ANXA6: variants seen among roughly 807,000 people sequenced by gnomAD.
ANXA6 encodes the protein annexin A6, also known as 67 kDa calelectrin.
In ANXA6, 71 loss-of-function variants were observed where a neutral mutation model predicts 95.4. The ratio of observed to expected loss-of-function variants is 0.74; its 90% CI spans 0.61 to 0.91. The LOEUF is 0.91. Among genes scored for constraint, ANXA6 ranks in the 40% least tolerant of loss-of-function variants. ANXA6 has a pLI of 0.00. For missense variants in ANXA6, 830 were observed against 876.4 expected (o/e 0.95, Z 0.67); for synonymous variants, 289 against 315.9 (o/e 0.91, Z 0.90).
At chr5:151,137,197 G>A (rs1765688085) in intron 6 of ANXA6, 34 bp downstream of exon 6, 1 of 1,570,924 alleles carries the variant, frequency 6.4e-7, no homozygotes, top group Non-Finnish European at 8.8e-7. Flanking sequence ...TTTTGTATCT[G>A]AAGATCCTAA....
At chr5:151,122,399 C>T (rs1765193148) in intron 16 of ANXA6, 139 bp from the exon 17 acceptor site, 2 of 610,134 alleles carry the variant, frequency 3.3e-6, no homozygotes, top group Non-Finnish European at 5.7e-6. Context: ...TGATGTTGTA[C>T]TTATTATTTA....
intron 23 of ANXA6, 21 bp from the exon 24 acceptor site, chr5:151,105,324 A>G: frequency 6.2e-7 from 1 of 1,613,334 alleles, no homozygotes; most frequent in Non-Finnish European, 8.5e-7. Flanking sequence ...GAGCAGAGAG[A>G]TGCGGGGAAC....
intron 9 of ANXA6, 82 bp downstream of exon 9, chr5:151,133,012 G>A (rs927298245): frequency 2.2e-6 from 2 of 921,824 alleles, no homozygotes; most frequent in African/African-American, 3.8e-5. Flanking sequence ...TTCCATTAGT[G>A]GTAAAGAAAA....
chr5:151,111,035 A>G (rs1040235106), intron 20 of ANXA6, among the ~76,000 whole-genome samples: 6 of 152,170 alleles, frequency 3.9e-5, no homozygotes, highest in Admixed American at 1.3e-4. Flanking sequence ...ACTGAGATGT[A>G]AATGTGAGCA....
intron 1 of ANXA6, among the ~76,000 whole-genome samples, chr5:151,152,747 AG>A (rs1187989846): frequency 1.3e-5 from 2 of 152,124 alleles, no homozygotes; most frequent in Non-Finnish European, 2.9e-5. Context: ...AGAAAATATT[AG>A]GGGTGCAGGC....
intron 1 of ANXA6, chr5:151,154,756 A>G (rs758850219): frequency 9.2e-5 from 14 of 152,244 alleles, no homozygotes; most frequent in African/African-American, 3.4e-4. Context: ...AGGACTGGAC[A>G]AGGCCTCAGG....
intron 25 of ANXA6, among the ~76,000 whole-genome samples, chr5:151,102,127 C>A (rs1040241560): frequency 1.3e-5 from 2 of 152,232 alleles, no homozygotes; most frequent in Non-Finnish European, 2.9e-5. Context: ...GGAGGCCAAA[C>A]TTCCTGACCC....
chr5:151,101,559 G>T, intron 25 of ANXA6, 52 bp from the exon 26 acceptor site: 3 of 1,477,040 alleles, frequency 2.0e-6, no homozygotes, highest in Non-Finnish European at 2.8e-6. Context: ...CAGTCTCAAT[G>T]CCCCCTCCTC....
At position 151,128,963 on chromosome 5, in the gene ANXA6, A is replaced by G. The variant is rs538425454; in HGVS notation, c.918+444T>C. On this transcript the variant is annotated intron_variant, in intron 12 of 25. Transcript: ENST00000354546. ...CAGTCATCCAAAAAAAAAAAAAAAAAGGGAAAACCCCTAGCTTTACATATG... is the reference window on the plus strand; with the variant it reads ...CAGTCATCCAAAAAAAAAAAAAAAAGGGGAAAACCCCTAGCTTTACATATG... 4.6e-3 allele frequency among the ~76,000 whole-genome samples: 697 copies of G among 150,516 alleles called. 14 individuals carry two copies. The East Asian group carries it at 0.056, about 12-fold the overall frequency.
Position 151,101,268 on chromosome 5 carries a change from C to G in ANXA6, c.*180G>C, listed in dbSNP as rs1043181939. ...TTCAGCCGCTCAGCCGTGCTGGGCC[C>G]TCGATGGCCCGTGGGAGTGGGAGCG... On this transcript the variant is annotated 3_prime_UTR_variant, in exon 26 of 26. Transcript: ENST00000354546. 3.0e-5 allele frequency: 20 copies of G among 655,874 alleles called. No homozygotes were observed. The highest frequency in any genetic ancestry group is 5.2e-5 in the Non-Finnish European group (19 of 361,990). The allele number at this position is 655,874 out of a possible 1,614,324, so 40.6% of individuals were successfully genotyped here.
intron 17 of ANXA6, 126 bp downstream of exon 17, chr5:151,122,021 C>G: frequency 1.8e-6 from 1 of 554,298 alleles, no homozygotes; most frequent in Non-Finnish European, 3.1e-6. Context: ...TGTGTTTATG[C>G]CAGTTTGAAC....
intron 18 of ANXA6, among the ~76,000 whole-genome samples, chr5:151,118,501 T>C (rs1306773994): frequency 2.6e-5 from 4 of 152,064 alleles, no homozygotes; most frequent in Admixed American, 1.3e-4. Flanking sequence ...TGGCGTGATA[T>C]CGGCTCACTG....
At chr5:151,139,846 C>A (rs1765777152) in intron 3 of ANXA6, among the ~76,000 whole-genome samples, 1 of 152,146 alleles carries the variant, frequency 6.6e-6, no homozygotes, top group African/African-American at 2.4e-5. Context: ...TTGTGGCTGC[C>A]TCTGGGCAAA....
intron 12 of ANXA6, chr5:151,128,477 C>T: frequency 2.0e-6 from 1 of 493,936 alleles, no homozygotes; most frequent in Non-Finnish European, 3.7e-6. Context: ...TAGCAATGGA[C>T]AATTTCAAGT....
intron 1 of ANXA6, among the ~76,000 whole-genome samples, chr5:151,156,712 G>T (rs533931021): frequency 6.6e-6 from 1 of 152,142 alleles, no homozygotes; most frequent in East Asian, 1.9e-4. Context: ...TTGTCCCAAA[G>T]GACCTCCTGC....
intron 5 of ANXA6, among the ~76,000 whole-genome samples, chr5:151,137,879 G>A (rs561649394): frequency 1.3e-4 from 20 of 152,134 alleles, no homozygotes; most frequent in Non-Finnish European, 2.5e-4. Flanking sequence ...TCTTTATAGC[G>A]ATGTGAGAAT....
chr5:151,101,615 A>G, intron 25 of ANXA6, 108 bp from the exon 26 acceptor site: 2 of 939,102 alleles, frequency 2.1e-6, no homozygotes, highest in Non-Finnish European at 3.4e-6. Context: ...TCTCTCCATG[A>G]CCAACATAGG....
At chr5:151,114,035 G>A (rs1175687781) in intron 20 of ANXA6, among the ~76,000 whole-genome samples, 2 of 152,208 alleles carry the variant, frequency 1.3e-5, no homozygotes, top group South Asian at 4.1e-4. Flanking sequence ...AGTCCAAAAG[G>A]CCACGTATTA....
chr5:151,117,564 A>G (rs924930099), intron 19 of ANXA6, among the ~76,000 whole-genome samples, 194 bp downstream of exon 19: 4 of 152,200 alleles, frequency 2.6e-5, no homozygotes, highest in Non-Finnish European at 4.4e-5. Flanking sequence ...TGTCTGGAGA[A>G]GGTGGTACCA....
Sources: gnomAD v4.1 joint callset for allele counts (sites outside exome capture counted in the v4.1 genomes callset) on GRCh38, gnomAD v4.1.1 for gene constraint, MANE v1.5 for transcripts, NCBI Gene and HGNC (gene_info 2026-07-23, HGNC 2026-07-21) for gene names.